MEIS2: variants seen among roughly 807,000 people sequenced by gnomAD.
MEIS2 encodes the protein Meis homeobox 2, also known as homeobox protein Meis2.
In MEIS2, 9 loss-of-function variants were observed where a neutral mutation model predicts 58.6. The observed-to-expected ratio is 0.15, with a 90% CI of 0.09 to 0.27. The LOEUF (loss-of-function observed/expected upper bound fraction) is 0.27. MEIS2 is among the 10% of genes least tolerant of loss of function. The pLI is 1.00. For synonymous variants in MEIS2, 221 were observed against 228.4 expected, an observed-to-expected ratio of 0.97 and a Z score of 0.29; for missense variants, 427 against 635.0, an observed-to-expected ratio of 0.67 and a Z score of 3.52.
intron 7 of MEIS2, among the ~76,000 whole-genome samples, chr15:37,052,379 A>C (rs2062960150): frequency 6.6e-6 from 1 of 152,320 alleles, no homozygotes; most frequent in Non-Finnish European, 1.5e-5. Context: ...GCAGAAACTG[A>C]AGCCAGACAG....
chr15:37,022,781 C>T (rs1420279804), intron 8 of MEIS2, among the ~76,000 whole-genome samples: 3 of 152,188 alleles, frequency 2.0e-5, no homozygotes, highest in South Asian at 4.1e-4. Flanking sequence ...CTCAGCCTCC[C>T]GAGTAGCTGG....
Position 37,069,191 on chromosome 15 carries a change from T to C in MEIS2, c.754+14580A>G, listed in dbSNP as rs1890352969. The stretch of plus-strand genomic sequence containing the variant: ...TCCATTTAGTGGCTAATAACTATGC[T>C]AGGATATGTAGTGCATGTGTGTAGA... On this transcript the variant is annotated intron_variant, in intron 7 of 11. Transcript: ENST00000561208. Among the ~76,000 whole-genome samples, 4 of 152,100 alleles carry C rather than the reference T, an allele frequency of 2.6e-5. No homozygotes were observed. The South Asian group carries it at 8.3e-4, about 32-fold the overall frequency.
intron 9 of MEIS2, among the ~76,000 whole-genome samples, chr15:36,936,855 T>C (rs2054879888): frequency 6.6e-6 from 1 of 152,214 alleles, no homozygotes. Context: ...GGGGAAAAGA[T>C]AACTGTTTTC....
intron 8 of MEIS2, among the ~76,000 whole-genome samples, chr15:37,013,304 C>T (rs559137784): frequency 6.6e-6 from 1 of 152,226 alleles, no homozygotes; most frequent in Non-Finnish European, 1.5e-5. Context: ...GGCACCGTGG[C>T]TCACACCTGT....
At chr15:36,950,254 G>A (rs1595790361) in intron 9 of MEIS2, 70 bp downstream of exon 9, 29 of 1,135,668 alleles carry the variant, frequency 2.6e-5, no homozygotes, top group South Asian at 4.3e-5. Flanking sequence ...AAAAAAAAAA[G>A]AGAGAAAACC....
At chr15:37,026,981 TGGCATTACTA>T (rs1408726904) in intron 8 of MEIS2, among the ~76,000 whole-genome samples, 1 of 152,204 alleles carries the variant, frequency 6.6e-6, no homozygotes, top group Non-Finnish European at 1.5e-5. Context: ...AGCATGAAAA[TGGCATTACTA>T]TTATGTTTTA....
intron 7 of MEIS2, among the ~76,000 whole-genome samples, chr15:37,075,108 T>C (rs1228251287): frequency 1.3e-5 from 2 of 151,882 alleles, no homozygotes; most frequent in South Asian, 4.2e-4. Flanking sequence ...CAACACTTAT[T>C]AGCAAAATGG....
chr15:37,078,605 C>CAAAAAAAAAAAAAAAAAAAA (rs540405090), intron 7 of MEIS2, among the ~76,000 whole-genome samples: 1 of 69,412 alleles, frequency 1.4e-5, no homozygotes, highest in Non-Finnish European at 2.6e-5. Context: ...AAAAAACAAC[C>CAAAAAAAAAAAAAAAAAAAA]AAAAAAAAAA....
At chr15:36,922,819 T>C (rs917688141) in intron 9 of MEIS2, among the ~76,000 whole-genome samples, 2 of 151,710 alleles carry the variant, frequency 1.3e-5, no homozygotes, top group Non-Finnish European at 2.9e-5. Flanking sequence ...GGTTTCACCA[T>C]GTTGATCAGG....
chr15:36,976,310 T>G (rs1595854013), intron 8 of MEIS2, among the ~76,000 whole-genome samples: 1 of 152,072 alleles, frequency 6.6e-6, no homozygotes, highest in South Asian at 2.1e-4. Context: ...GGTCTCGAAC[T>G]CCTGACCTTG....
At chr15:37,098,460 A>C in intron 1 of MEIS2, 1 of 1,106,986 alleles carries the variant, frequency 9.0e-7, no homozygotes, top group Non-Finnish European at 1.2e-6. Flanking sequence ...AAAGGAGAAA[A>C]GTACCGAGCA....
chr15:37,094,266 T>G (rs1339302237), intron 5 of MEIS2, among the ~76,000 whole-genome samples: 1 of 152,042 alleles, frequency 6.6e-6, no homozygotes, highest in Non-Finnish European at 1.5e-5. Flanking sequence ...GTAACATAAA[T>G]GGTTTGCTGC....
Position 37,036,840 on chromosome 15 carries a change from T to G in MEIS2, c.874A>C (p.Arg292=), listed in dbSNP as rs1252384197. Residue 292 remains arginine, a synonymous_variant, in exon 8 of 12, where the codon AGA becomes CGA. Transcript: ENST00000561208. ...GTGAGATGCTGGAAGAGCCATGCTC[T>G]CATGATATTTGTTGCTACTTTGGGG... ...IFPKVATNIM[R]AWLFQHLTHP... is the part of the protein sequence containing the mutation. 1.9e-6 allele frequency: 3 copies of G among 1,613,968 alleles called. No homozygotes were observed. The highest frequency in any genetic ancestry group is 2.5e-6 in the Non-Finnish European group (3 of 1,180,008).
chr15:37,083,944 A>C, intron 6 of MEIS2, 59 bp from the exon 7 acceptor site: 1 of 1,470,102 alleles, frequency 6.8e-7, no homozygotes, highest in Non-Finnish European at 9.5e-7. Context: ...TCAATGAAGA[A>C]CCAAAAGGAA....
chr15:36,989,293 CA>C (rs2060192440), intron 8 of MEIS2, among the ~76,000 whole-genome samples: 1 of 152,136 alleles, frequency 6.6e-6, no homozygotes, highest in African/African-American at 2.4e-5. Context: ...ATTTTCAGCC[CA>C]GTGGGATTTC....
chr15:37,042,384 A>G (rs1431312598), intron 7 of MEIS2, among the ~76,000 whole-genome samples: 5 of 152,122 alleles, frequency 3.3e-5, no homozygotes, highest in Non-Finnish European at 7.4e-5. Context: ...TCCTAGTCCA[A>G]CTTCTTCTAC....
At chr15:37,048,584 G>T (rs560677637) in intron 7 of MEIS2, among the ~76,000 whole-genome samples, 2 of 152,016 alleles carry the variant, frequency 1.3e-5, no homozygotes, top group Admixed American at 1.3e-4. Context: ...AAAAACGAAG[G>T]TTTTTTGAAT....
intron 7 of MEIS2, among the ~76,000 whole-genome samples, chr15:37,059,293 T>G (rs1292393984): frequency 6.6e-6 from 1 of 152,236 alleles, no homozygotes; most frequent in Non-Finnish European, 1.5e-5. Flanking sequence ...CAATCCAGAA[T>G]GAGTCATTTA....
chr15:36,900,626 A>C (rs2056419880), intron 9 of MEIS2, among the ~76,000 whole-genome samples: 1 of 152,210 alleles, frequency 6.6e-6, no homozygotes, highest in Admixed American at 6.5e-5. Context: ...AATAAACCCA[A>C]GGTAGCAAAT....
Sources: gnomAD v4.1 joint callset for allele counts (sites outside exome capture counted in the v4.1 genomes callset) on GRCh38, gnomAD v4.1.1 for gene constraint, MANE v1.5 for transcripts, NCBI Gene and HGNC (gene_info 2026-07-23, HGNC 2026-07-21) for gene names.